The following MBD5 variants were observed in gnomAD, a reference collection of about 807,000 sequenced individuals.
MBD5 encodes the protein methyl-CpG binding domain protein 5.
A neutral mutation model predicts 117.3 loss-of-function variants in MBD5; 13 were observed. The ratio of observed to expected loss-of-function variants is 0.11; its 90% CI spans 0.07 to 0.18. MBD5 has a LOEUF of 0.18. MBD5 is among the 10% of genes least tolerant of loss of function. MBD5 has a pLI of 1.00. For missense variants in MBD5, 1,879 were observed against 2,093.8 expected, an observed-to-expected ratio of 0.90 and a Z score of 2.00; for synonymous variants, 727 against 766.4, an observed-to-expected ratio of 0.95 and a Z score of 0.85.
At chr2:148,410,522 C>G (rs539580301) in intron 4 of MBD5, among the ~76,000 whole-genome samples, 1 of 152,274 alleles carries the variant, frequency 6.6e-6, no homozygotes, top group East Asian at 1.9e-4. Context: ...CTTGACCACT[C>G]TGGCTCAAGC....
intron 4 of MBD5, among the ~76,000 whole-genome samples, chr2:148,425,690 G>A (rs545293087): frequency 6.9e-4 from 105 of 152,278 alleles, no homozygotes; most frequent in Non-Finnish European, 1.1e-3. Flanking sequence ...TATCCACCAC[G>A]ATCAGGTCAG....
At chr2:148,226,243 C>G (rs1699817175) in intron 2 of MBD5, among the ~76,000 whole-genome samples, 1 of 151,930 alleles carries the variant, frequency 6.6e-6, no homozygotes, top group Admixed American at 6.6e-5. Context: ...AGGTATATCT[C>G]CTAATGCTAT....
intron 2 of MBD5, among the ~76,000 whole-genome samples, chr2:148,182,705 C>G (rs1415399325): frequency 1.3e-5 from 2 of 152,178 alleles, no homozygotes; most frequent in East Asian, 3.9e-4. Context: ...ATTCAGGTTT[C>G]CTTCTCAGCT....
chr2:148,112,476 C>G (rs1350400540), intron 1 of MBD5, among the ~76,000 whole-genome samples: 1 of 152,124 alleles, frequency 6.6e-6, no homozygotes, highest in African/African-American at 2.4e-5. Context: ...ATACTTTATA[C>G]TTGGTGCAAA....
chr2:148,182,649 G>A (rs1698557809), intron 2 of MBD5, among the ~76,000 whole-genome samples: 1 of 152,174 alleles, frequency 6.6e-6, no homozygotes, highest in African/African-American at 2.4e-5. Flanking sequence ...ATTTTGGTGA[G>A]GACATATCTT....
At chr2:148,374,240 TAC>T (rs57110874) in intron 4 of MBD5, among the ~76,000 whole-genome samples, 3,628 of 141,472 alleles carry the variant, frequency 0.026, 49 homozygotes, top group African/African-American at 0.043. Context: ...TGTTTATGCA[TAC>T]ACACACACAC....
At chr2:148,165,232 T>G (rs16828336) in intron 1 of MBD5, among the ~76,000 whole-genome samples, 1,874 of 152,234 alleles carry the variant, frequency 0.012, 45 homozygotes, top group African/African-American at 0.043. Flanking sequence ...GGTAGAAAAA[T>G]TATTTGAATT....
intron 3 of MBD5, among the ~76,000 whole-genome samples, chr2:148,244,855 G>A (rs934601762): frequency 1.3e-5 from 2 of 152,120 alleles, no homozygotes; most frequent in East Asian, 1.9e-4. Flanking sequence ...TGAGACATGC[G>A]AGGTTTTTTT....
intron 3 of MBD5, among the ~76,000 whole-genome samples, chr2:148,245,883 A>G (rs2106217078): frequency 6.6e-6 from 1 of 152,234 alleles, no homozygotes; most frequent in Admixed American, 6.5e-5. Context: ...TGCTAATTTA[A>G]TTTCTTACTA....
chr2:148,335,088 A>G (rs1230611212), intron 3 of MBD5, among the ~76,000 whole-genome samples: 2 of 152,184 alleles, frequency 1.3e-5, no homozygotes, highest in Non-Finnish European at 2.9e-5. Context: ...AAATATTCCA[A>G]GTCAAAAGCT....
At chr2:148,142,809 C>T (rs1188938937) in intron 1 of MBD5, among the ~76,000 whole-genome samples, 1 of 152,032 alleles carries the variant, frequency 6.6e-6, no homozygotes, top group Non-Finnish European at 1.5e-5. Context: ...AATTGATACC[C>T]AGATAGCAGT....
intron 12 of MBD5, among the ~76,000 whole-genome samples, chr2:148,509,473 C>A (rs796649541): frequency 2.6e-5 from 4 of 152,306 alleles, no homozygotes; most frequent in African/African-American, 9.6e-5. Flanking sequence ...AAATAGTTAC[C>A]TCATTTTGGC....
In MBD5 at chr2:148,063,648, G is replaced by A. The variant is rs554986687; in HGVS notation, c.-925+41964G>A. On this transcript the variant is annotated intron_variant, in intron 1 of 13. Transcript: ENST00000642680. ...GATGACACTGCCTATGTGAACAAGG[G>A]CTCACTTATTTATTTTTTTAAGTGG... Among the ~76,000 whole-genome samples the A allele has an allele frequency of 1.6e-4, 24 of 152,032 alleles. 1 individual carries two copies. In the South Asian group the frequency reaches 5.0e-3, roughly 31 times the overall value.
rs148091815 is a variant in MBD5, at chr2:148,079,782, G to A, written c.-925+58098G>A. On this transcript the variant is annotated intron_variant, in intron 1 of 13. Transcript: ENST00000642680. ...TGAGGTAGTAGAATAGCTTAACCCCGGGAGGCGGAGGTTGCAGTGAGCTGA... is the reference window on the plus strand; with the variant it reads ...TGAGGTAGTAGAATAGCTTAACCCCAGGAGGCGGAGGTTGCAGTGAGCTGA... 1.3e-3 allele frequency among the ~76,000 whole-genome samples: 197 copies of A among 151,914 alleles called. 1 individual carries two copies. Among genetic ancestry groups the A allele is most frequent in the African/African-American group, 4.3e-3 (179 of 41,386 alleles).
chr2:148,026,385 A>C (rs897907088), intron 1 of MBD5: 7 of 152,192 alleles, frequency 4.6e-5, no homozygotes, highest in African/African-American at 1.7e-4. Context: ...AAGAAAAAAA[A>C]CCCAGTCTTT....
Position 148,515,469 on chromosome 2 carries a change from T to G in MBD5, c.*2528T>G, listed in dbSNP as rs1682327964. Reference sequence around the variant, plus strand: ...TTGTGTAAGCAGTTAATGTAAATATTGTTAGCATTACAGGTCATACAGTGC... The same window carrying G: ...TTGTGTAAGCAGTTAATGTAAATATGGTTAGCATTACAGGTCATACAGTGC... On this transcript the variant is annotated 3_prime_UTR_variant, in exon 14 of 14. Coordinates refer to ENST00000642680, the MANE Select transcript of MBD5 (RefSeq NM_001378120.1). 1 of 152,208 alleles carries G rather than the reference T, an allele frequency of 6.6e-6. No individual in the cohort carries two copies. The highest frequency in any genetic ancestry group is 2.1e-4 in the South Asian group (1 of 4,830). The allele number at this position is 152,208 out of a possible 1,614,324, so 9.4% of individuals were successfully genotyped here. A position where few individuals can be genotyped will look rare whatever the true frequency, so the allele number is the denominator to read the frequency against.
At chr2:148,381,218 G>GA (rs933453055) in intron 4 of MBD5, among the ~76,000 whole-genome samples, 1 of 151,770 alleles carries the variant, frequency 6.6e-6, no homozygotes, top group Non-Finnish European at 1.5e-5. Flanking sequence ...TAAAAACTTT[G>GA]AAAAAAAATT....
chr2:148,137,993 T>C (rs1038897750), intron 1 of MBD5, among the ~76,000 whole-genome samples: 2 of 152,210 alleles, frequency 1.3e-5, no homozygotes, highest in Non-Finnish European at 2.9e-5. Flanking sequence ...GCATTTCTCA[T>C]AATGTATCCC....
intron 4 of MBD5, among the ~76,000 whole-genome samples, chr2:148,368,913 A>T (rs1302649662): frequency 6.6e-6 from 1 of 152,170 alleles, no homozygotes; most frequent in East Asian, 1.9e-4. Flanking sequence ...ATTATAAAGG[A>T]AACCTACTAA....
Sources: allele counts gnomAD v4.1 joint callset (sites outside exome capture counted in the v4.1 genomes callset), GRCh38; gene constraint gnomAD v4.1.1; transcripts MANE v1.5; gene names NCBI Gene and HGNC (gene_info 2026-07-23, HGNC 2026-07-21).